LGR6: variants seen among roughly 807,000 people sequenced by gnomAD.
The protein encoded by LGR6 is leucine rich repeat containing G protein-coupled receptor 6, also known as leucine-rich repeat-containing G protein-coupled receptor 6.
Under a neutral mutation model 69.4 loss-of-function variants are expected in LGR6, and 45 were observed. The ratio of observed to expected loss-of-function variants is 0.65; its 90% CI spans 0.51 to 0.83. LGR6 has a LOEUF of 0.83. Among genes scored for constraint, LGR6 ranks in the 40% least tolerant of loss-of-function variants. The pLI is 0.00. For missense variants in LGR6, 1,108 were observed against 1,246.7 expected, an observed-to-expected ratio of 0.89 and a Z score of 1.68; for synonymous variants, 538 against 555.0, an observed-to-expected ratio of 0.97 and a Z score of 0.43.
chr1:202,303,380 C>A, intron 10 of LGR6, 33 bp downstream of exon 10: 1 of 1,551,042 alleles, frequency 6.4e-7, no homozygotes, highest in Non-Finnish European at 8.9e-7. Context: ...CCTTATCTAT[C>A]GCCCCAGCTT....
intron 6 of LGR6, among the ~76,000 whole-genome samples, chr1:202,296,242 C>T (rs1667154942): frequency 6.6e-6 from 1 of 152,044 alleles, no homozygotes. Flanking sequence ...AGTCTTCCCC[C>T]AACCTATTGC....
At chr1:202,215,024 C>A (rs961752697) in intron 1 of LGR6, among the ~76,000 whole-genome samples, 1 of 104,538 alleles carries the variant, frequency 9.6e-6, no homozygotes, top group Admixed American at 9.5e-5. Context: ...TGTGTGTGCG[C>A]GCGCGCGCGT....
intron 4 of LGR6, among the ~76,000 whole-genome samples, chr1:202,238,554 G>A (rs1661825573): frequency 6.6e-6 from 1 of 151,446 alleles, no homozygotes; most frequent in Non-Finnish European, 1.5e-5. Context: ...CTCCCAAGTA[G>A]CTGGGACTAC....
chr1:202,292,777 A>G (rs933547484), intron 6 of LGR6, among the ~76,000 whole-genome samples: 1 of 152,264 alleles, frequency 6.6e-6, no homozygotes, highest in African/African-American at 2.4e-5. Context: ...GTTGCTTGCC[A>G]CATGTTGCTA....
At position 202,318,958 on chromosome 1, in the gene LGR6, T is replaced by G. The variant is rs755936335; in HGVS notation, c.2655T>G (p.Ala885=). Residue 885 remains alanine (A), a synonymous_variant, in exon 18 of 18, where the codon GCT becomes GCG. Coordinates refer to ENST00000367278, the MANE Select transcript of LGR6 (RefSeq NM_001017403.2). ...ATCTCATTCTGGAAGCTTCTGAAGC[T>G]GGGCGGCCCCCTGGGCTGGAGACCT... is the stretch of plus-strand genomic sequence containing the variant. The part of the protein sequence containing the change: ...DVDLILEASE[A]GRPPGLETYG... The G allele has an allele frequency of 6.2e-7, 1 of 1,613,750 alleles. No individual in the cohort carries two copies. The highest frequency in any genetic ancestry group is 8.5e-7 in the Non-Finnish European group (1 of 1,179,826).
intron 4 of LGR6, among the ~76,000 whole-genome samples, chr1:202,260,328 C>T (rs980716770): frequency 5.9e-5 from 9 of 152,066 alleles, no homozygotes; most frequent in Middle Eastern, 3.4e-3. Context: ...TGTGAGCCAC[C>T]GCTCCTGGAC....
intron 2 of LGR6, among the ~76,000 whole-genome samples, chr1:202,227,164 A>G (rs1660620472): frequency 6.6e-6 from 1 of 152,136 alleles, no homozygotes; most frequent in Non-Finnish European, 1.5e-5. Context: ...CTTTTATTAG[A>G]GATATATGTT....
intron 1 of LGR6, among the ~76,000 whole-genome samples, chr1:202,214,635 G>A (rs1199518245): frequency 6.6e-6 from 1 of 152,174 alleles, no homozygotes; most frequent in Non-Finnish European, 1.5e-5. Context: ...CCGAATCTCC[G>A]TTTCTTCATT....
chr1:202,224,878 A>G (rs1432892729), intron 1 of LGR6, among the ~76,000 whole-genome samples: 1 of 152,190 alleles, frequency 6.6e-6, no homozygotes, highest in African/African-American at 2.4e-5. Flanking sequence ...AAATGCCACT[A>G]GCTCTGGGAT....
chr1:202,271,317 C>T (rs993643844), intron 4 of LGR6, among the ~76,000 whole-genome samples: 2 of 152,076 alleles, frequency 1.3e-5, no homozygotes, highest in Non-Finnish European at 2.9e-5. Flanking sequence ...GACCCCCCTA[C>T]CCTAGAGGAC....
At chr1:202,286,580 C>T (rs1666409064) in intron 6 of LGR6, among the ~76,000 whole-genome samples, 1 of 152,034 alleles carries the variant, frequency 6.6e-6, no homozygotes. Flanking sequence ...TGCCTTTGGC[C>T]CAGCGTCAGC....
At chr1:202,271,882 CCTG>C (rs1665138673) in intron 4 of LGR6, among the ~76,000 whole-genome samples, 2 of 151,808 alleles carry the variant, frequency 1.3e-5, no homozygotes, top group Non-Finnish European at 2.9e-5. Context: ...GCGCCTGTCT[CCTG>C]CTGCCTCCTC....
At chr1:202,250,758 CA>C (rs1426881261) in intron 4 of LGR6, among the ~76,000 whole-genome samples, 1 of 152,136 alleles carries the variant, frequency 6.6e-6, no homozygotes, top group Non-Finnish European at 1.5e-5. Context: ...ATATGTGGCA[CA>C]TAGTAGGCAC....
chr1:202,269,106 A>G (rs954694195), intron 4 of LGR6, among the ~76,000 whole-genome samples: 62 of 151,776 alleles, frequency 4.1e-4, no homozygotes, highest in Non-Finnish European at 6.8e-4. Context: ...GTGTCTTGCT[A>G]TTTTGTCCAG....
intron 1 of LGR6, among the ~76,000 whole-genome samples, chr1:202,221,805 C>T (rs1660171843): frequency 6.6e-6 from 1 of 152,346 alleles, no homozygotes; most frequent in East Asian, 1.9e-4. Flanking sequence ...ACAACCAAAC[C>T]CCAAGCACCC....
chr1:202,299,342 C>T (rs1460637670), intron 7 of LGR6, among the ~76,000 whole-genome samples: 1 of 151,260 alleles, frequency 6.6e-6, no homozygotes, highest in African/African-American at 2.4e-5. Context: ...AACTTTTTTC[C>T]TTTGATCTGG....
chr1:202,307,082 C>G, intron 13 of LGR6, 143 bp downstream of exon 13: 1 of 738,632 alleles, frequency 1.4e-6, no homozygotes, highest in South Asian at 1.7e-5. Flanking sequence ...CCACCCCCAG[C>G]ACACACACAC....
intron 4 of LGR6, among the ~76,000 whole-genome samples, chr1:202,244,572 A>T (rs1662488807): frequency 6.6e-6 from 1 of 151,048 alleles, no homozygotes; most frequent in Non-Finnish European, 1.5e-5. Context: ...TTCTGCCTTC[A>T]CGTAGCTTTC....
chr1:202,227,022 A>C (rs1202251952), intron 2 of LGR6, among the ~76,000 whole-genome samples: 2 of 152,164 alleles, frequency 1.3e-5, no homozygotes, highest in Non-Finnish European at 2.9e-5. Flanking sequence ...GTCTGGACCC[A>C]TTTTAGAGGC....
Sources: allele counts gnomAD v4.1 joint callset (sites outside exome capture counted in the v4.1 genomes callset), GRCh38; gene constraint gnomAD v4.1.1; transcripts MANE v1.5; gene names NCBI Gene and HGNC (gene_info 2026-07-23, HGNC 2026-07-21).